The following CA10 variants were observed in gnomAD, a reference collection of about 807,000 sequenced individuals.
CA10 encodes carbonic anhydrase 10 (inactive).
In CA10, 14 loss-of-function variants were observed where a neutral mutation model predicts 44.2. The observed-to-expected ratio is 0.32, with a 90% CI of 0.21 to 0.50. CA10 has a LOEUF of 0.50. Among genes scored for constraint, CA10 ranks in the 20% least tolerant of loss-of-function variants. The pLI is 0.99. For missense variants in CA10, 350 were observed against 409.7 expected, an observed-to-expected ratio of 0.85 and a Z score of 1.26; for synonymous variants, 159 against 141.6, an observed-to-expected ratio of 1.12 and a Z score of -0.87.
intron 2 of CA10, among the ~76,000 whole-genome samples, chr17:51,989,322 C>G (rs979059303): frequency 1.6e-4 from 24 of 151,922 alleles, no homozygotes; most frequent in Admixed American, 5.3e-4. Context: ...CTCCCATGCT[C>G]CACCCTCTGA....
chr17:51,662,938 GAT>G (rs1159296337), intron 4 of CA10, among the ~76,000 whole-genome samples: 1 of 152,122 alleles, frequency 6.6e-6, no homozygotes, highest in East Asian at 1.9e-4. Flanking sequence ...AATGTAGAGT[GAT>G]ATATTTGGGT....
At chr17:51,822,417 AAAAAC>A (rs1253300474) in intron 3 of CA10, among the ~76,000 whole-genome samples, 1 of 149,152 alleles carries the variant, frequency 6.7e-6, no homozygotes, top group Non-Finnish European at 1.5e-5. Flanking sequence ...TTTGTCTCAA[AAAAAC>A]AAAACAAAAA....
At chr17:51,847,388 G>A (rs1455480726) in intron 3 of CA10, among the ~76,000 whole-genome samples, 3 of 152,152 alleles carry the variant, frequency 2.0e-5, no homozygotes, top group Non-Finnish European at 2.9e-5. Context: ...GACAGCCTGG[G>A]GGTGGTGAAT....
intron 3 of CA10, among the ~76,000 whole-genome samples, chr17:51,890,739 C>T (rs1980820351): frequency 6.6e-6 from 1 of 152,140 alleles, no homozygotes; most frequent in African/African-American, 2.4e-5. Flanking sequence ...ATATATAGTG[C>T]ACTGTGCTAG....
intron 3 of CA10, among the ~76,000 whole-genome samples, chr17:51,860,971 AAAC>A (rs1388306293): frequency 6.6e-6 from 1 of 152,202 alleles, no homozygotes; most frequent in East Asian, 1.9e-4. Flanking sequence ...CCAAGGACAG[AAAC>A]TGTACTCTCT....
At chr17:51,792,740 G>C (rs538249882) in intron 3 of CA10, among the ~76,000 whole-genome samples, 1 of 152,328 alleles carries the variant, frequency 6.6e-6, no homozygotes, top group Admixed American at 6.5e-5. Context: ...TAAATCATGT[G>C]TGAGTAAACT....
chr17:51,849,155 ACATATATG>A (rs1160222606), intron 3 of CA10, among the ~76,000 whole-genome samples: 3 of 135,842 alleles, frequency 2.2e-5, no homozygotes, highest in African/African-American at 8.2e-5. Context: ...TTATATATAT[ACATATATG>A]TATATATATA....
At chr17:51,737,054 G>C (rs954847271) in intron 4 of CA10, among the ~76,000 whole-genome samples, 2 of 152,184 alleles carry the variant, frequency 1.3e-5, no homozygotes, top group African/African-American at 4.8e-5. Context: ...CTTATGATTA[G>C]AAGAATGGAC....
chr17:52,048,411 AG>A (rs1240128723), intron 2 of CA10, among the ~76,000 whole-genome samples: 1 of 152,060 alleles, frequency 6.6e-6, no homozygotes, highest in African/African-American at 2.4e-5. Context: ...GGCACCGTGC[AG>A]GCAGTATAGC....
intron 3 of CA10, among the ~76,000 whole-genome samples, chr17:51,899,064 T>G (rs1435941618): frequency 1.3e-5 from 2 of 152,142 alleles, no homozygotes; most frequent in Non-Finnish European, 2.9e-5. Flanking sequence ...TGATTTTGTT[T>G]TTTTCTTGTC....
intron 2 of CA10, among the ~76,000 whole-genome samples, chr17:51,953,327 C>T (rs1334475841): frequency 6.6e-6 from 1 of 152,096 alleles, no homozygotes; most frequent in Non-Finnish European, 1.5e-5. Context: ...ATACTCAATT[C>T]CCACATGTAT....
chr17:51,644,665 T>G (rs1913245233), intron 6 of CA10, among the ~76,000 whole-genome samples: 1 of 152,046 alleles, frequency 6.6e-6, no homozygotes, highest in Non-Finnish European at 1.5e-5. Context: ...TCATCCACAG[T>G]CTCCCCATCT....
chr17:52,078,422 T>C (rs1367778939), intron 1 of CA10, among the ~76,000 whole-genome samples: 3 of 152,212 alleles, frequency 2.0e-5, no homozygotes, highest in South Asian at 2.1e-4. Flanking sequence ...AGTACAATTA[T>C]ACCTGTGCCA....
intron 2 of CA10, among the ~76,000 whole-genome samples, chr17:52,060,397 G>A (rs776411612): frequency 2.0e-5 from 3 of 151,854 alleles, no homozygotes; most frequent in Non-Finnish European, 4.4e-5. Flanking sequence ...GAAAAACTCG[G>A]ATATTAAAAA....
chr17:51,798,283 G>T (rs551495479), intron 3 of CA10, among the ~76,000 whole-genome samples: 3 of 152,324 alleles, frequency 2.0e-5, no homozygotes, highest in Admixed American at 1.3e-4. Context: ...ACCTCAAGGC[G>T]CTAGGAAGAC....
intron 1 of CA10, among the ~76,000 whole-genome samples, chr17:52,131,657 AT>A: frequency 6.6e-6 from 1 of 152,280 alleles, no homozygotes; most frequent in East Asian, 1.9e-4. Context: ...GGTAGTCAGA[AT>A]TTTCTGACTT....
chr17:51,853,967 T>C (rs566383526), intron 3 of CA10, among the ~76,000 whole-genome samples: 3 of 152,306 alleles, frequency 2.0e-5, no homozygotes, highest in African/African-American at 4.8e-5. Context: ...AAGTTTTTTA[T>C]AGCAGTGTGA....
At chr17:51,650,189 G>A (rs1241098423) in intron 5 of CA10, among the ~76,000 whole-genome samples, 2 of 152,074 alleles carry the variant, frequency 1.3e-5, no homozygotes, top group Admixed American at 1.3e-4. Flanking sequence ...CTGTGATGTG[G>A]CCCTACATAA....
chr17:51,847,071 A>G (rs186686611), intron 3 of CA10, among the ~76,000 whole-genome samples: 19 of 152,312 alleles, frequency 1.2e-4, no homozygotes, highest in African/African-American at 4.6e-4. Context: ...GCCCTGGATG[A>G]CAGCTAGGGA....
Sources: gnomAD v4.1 joint callset for allele counts (sites outside exome capture counted in the v4.1 genomes callset) on GRCh38, gnomAD v4.1.1 for gene constraint, MANE v1.5 for transcripts, NCBI Gene and HGNC (gene_info 2026-07-23, HGNC 2026-07-21) for gene names.